The following CHLSN variants were observed in gnomAD, a reference collection of about 807,000 sequenced individuals.
CHLSN encodes cholesin.
chr7:1,084,579 C>T, the CHLSN span, among the ~76,000 whole-genome samples: 1 of 152,248 alleles, frequency 6.6e-6, no homozygotes, highest in Non-Finnish European at 1.5e-5. Context: ...AGTGCCGCCC[C>T]ACCCTTGCCC....
the CHLSN span, among the ~76,000 whole-genome samples, chr7:1,020,679 C>G: frequency 6.6e-6 from 1 of 152,212 alleles, no homozygotes; most frequent in Non-Finnish European, 1.5e-5. Flanking sequence ...CAGGGAGGAC[C>G]TGCAGGAAAC....
At chr7:1,032,393 G>A in the CHLSN span, among the ~76,000 whole-genome samples, 1 of 152,204 alleles carries the variant, frequency 6.6e-6, no homozygotes, top group Non-Finnish European at 1.5e-5. Flanking sequence ...CACTGTGGAG[G>A]TGTGAGGGCC....
the CHLSN span, chr7:984,301 C>T: frequency 2.9e-6 from 4 of 1,390,198 alleles, no homozygotes; most frequent in Non-Finnish European, 1.9e-6. Flanking sequence ...CTCCACCTGC[C>T]CCCATTTTCC....
At chr7:1,132,466 G>T in the CHLSN span, among the ~76,000 whole-genome samples, 1 of 152,156 alleles carries the variant, frequency 6.6e-6, no homozygotes, top group Non-Finnish European at 1.5e-5. Context: ...GATGAGATGG[G>T]AGGACTGCTT....
chr7:1,131,819 CTT>C, the CHLSN span, among the ~76,000 whole-genome samples: 1 of 152,196 alleles, frequency 6.6e-6, no homozygotes, highest in Non-Finnish European at 1.5e-5. Flanking sequence ...GGATAAAAGA[CTT>C]TTCCATATTA....
chr7:993,969 C>T, the CHLSN span, among the ~76,000 whole-genome samples: 81,653 of 151,412 alleles, frequency 0.54, 22,853 homozygotes, highest in African/African-American at 0.68. Flanking sequence ...GGGCAGGGGA[C>T]GGTTTCCGGA....
chr7:990,896 G>GAAA, the CHLSN span, among the ~76,000 whole-genome samples: 4,139 of 152,234 alleles, frequency 0.027, 130 homozygotes, highest in Non-Finnish European at 0.038. Flanking sequence ...AGGGGCTGTG[G>GAAA]AAAATCCCTC....
At chr7:1,022,466 C>A in the CHLSN span, among the ~76,000 whole-genome samples, 1 of 152,240 alleles carries the variant, frequency 6.6e-6, no homozygotes, top group Non-Finnish European at 1.5e-5. Flanking sequence ...ACTGCTTTTT[C>A]TGAGAAACAA....
At chr7:980,178 G>A in the CHLSN span, among the ~76,000 whole-genome samples, 1 of 152,236 alleles carries the variant, frequency 6.6e-6, no homozygotes, top group African/African-American at 2.4e-5. Flanking sequence ...TTGGAACCAG[G>A]TCTGTCTGAC....
At chr7:1,077,530 A>C in the CHLSN span, among the ~76,000 whole-genome samples, 1 of 152,236 alleles carries the variant, frequency 6.6e-6, no homozygotes, top group Non-Finnish European at 1.5e-5. Flanking sequence ...GCCCGGCCCC[A>C]GGTCCTATTT....
At chr7:1,101,835 C>T in the CHLSN span, among the ~76,000 whole-genome samples, 5 of 152,384 alleles carry the variant, frequency 3.3e-5, no homozygotes, top group Middle Eastern at 3.4e-3. Flanking sequence ...GTGCGCGTCG[C>T]GGACACAGCA....
the CHLSN span, among the ~76,000 whole-genome samples, chr7:1,099,560 C>T: frequency 6.6e-6 from 1 of 152,248 alleles, no homozygotes; most frequent in Non-Finnish European, 1.5e-5. Context: ...GTGGGAAACT[C>T]ATTACCTGGA....
At chr7:1,057,843 A>C in the CHLSN span, 14 of 777,504 alleles carry the variant, frequency 1.8e-5, no homozygotes, top group Admixed American at 2.2e-4. Flanking sequence ...GATCCCCTTC[A>C]ATGTGTCCTC....
At chr7:1,031,945 C>T in the CHLSN span, among the ~76,000 whole-genome samples, 2 of 152,074 alleles carry the variant, frequency 1.3e-5, no homozygotes, top group African/African-American at 2.4e-5. Flanking sequence ...GAGGACGTGC[C>T]GAGGGGGTGA....
the CHLSN span, among the ~76,000 whole-genome samples, chr7:1,070,448 C>G: frequency 3.3e-5 from 4 of 121,356 alleles, 1 homozygote; most frequent in South Asian, 1.1e-3. Flanking sequence ...AGGAGCCCCT[C>G]TGCCCGGCCA....
the CHLSN span, among the ~76,000 whole-genome samples, chr7:1,038,674 G>A: frequency 0.016 from 1,099 of 69,554 alleles, no homozygotes; most frequent in Middle Eastern, 0.057. Flanking sequence ...TCAGCCCCCC[G>A]CCTGGCCAGC....
At chr7:1,089,707 CTTTTTTTTTT>C in the CHLSN span, among the ~76,000 whole-genome samples, 4 of 124,176 alleles carry the variant, frequency 3.2e-5, no homozygotes, top group Non-Finnish European at 6.6e-5. Flanking sequence ...ATAGGCCAGC[CTTTTTTTTTT>C]TTTTTTTTTT....
the CHLSN span, among the ~76,000 whole-genome samples, chr7:1,016,888 A>AGCATACAGCAGCGCACG: frequency 2.9e-5 from 2 of 68,278 alleles, no homozygotes; most frequent in African/African-American, 9.2e-5. Flanking sequence ...AGCAGCACAC[A>AGCATACAGCAGCGCACG]CCAGCGCACA....
chr7:1,021,271 C>T, the CHLSN span: 4 of 575,938 alleles, frequency 6.9e-6, no homozygotes, highest in Admixed American at 2.5e-4. Flanking sequence ...CCAGCAGGGA[C>T]CTCTAGTGTG....
Sources: gnomAD v4.1 joint callset for allele counts (sites outside exome capture counted in the v4.1 genomes callset) on GRCh38, gnomAD v4.1.1 for gene constraint, MANE v1.5 for transcripts, NCBI Gene and HGNC (gene_info 2026-07-23, HGNC 2026-07-21) for gene names.